Variants in CLEC5A observed in about 807,000 individuals in gnomAD.
CLEC5A encodes C-type lectin domain containing 5A.
A neutral mutation model predicts 24.4 loss-of-function variants in CLEC5A; 15 were observed. That is an observed-to-expected ratio of 0.62 (90% CI 0.41 to 0.95). The LOEUF (loss-of-function observed/expected upper bound fraction) is 0.95, where lower values mean the gene tolerates loss of function less well. CLEC5A is among the 40% of genes least tolerant of loss of function. The pLI is 0.00. For missense variants in CLEC5A, 211 were observed against 224.0 expected, an observed-to-expected ratio of 0.94 and a Z score of 0.37; for synonymous variants, 71 against 72.6, an observed-to-expected ratio of 0.98 and a Z score of 0.11.
chr7:141,940,933 A>T (rs1355419985), intron 4 of CLEC5A, among the ~76,000 whole-genome samples: 1 of 152,110 alleles, frequency 6.6e-6, no homozygotes, highest in African/African-American at 2.4e-5. Context: ...GAAAACCATG[A>T]TAAAAACTCT....
chr7:141,932,900 A>T (rs543990130), intron 5 of CLEC5A, among the ~76,000 whole-genome samples: 1 of 152,316 alleles, frequency 6.6e-6, no homozygotes, highest in East Asian at 1.9e-4. Context: ...CCCTTTTTTA[A>T]AAAAGTTTTC....
At chr7:141,931,657 A>T in intron 6 of CLEC5A, 63 bp downstream of exon 6, 1 of 875,938 alleles carries the variant, frequency 1.1e-6, no homozygotes, top group South Asian at 1.3e-5. Flanking sequence ...GAACCCAGCA[A>T]TCTCAGGTTT....
At chr7:141,933,994 A>C (rs1270641233) in intron 5 of CLEC5A, among the ~76,000 whole-genome samples, 1 of 152,016 alleles carries the variant, frequency 6.6e-6, no homozygotes, top group Non-Finnish European at 1.5e-5. Flanking sequence ...ATAAAACTAC[A>C]TTTCACCTGT....
Position 141,945,358 on chromosome 7 carries a change from G to T in CLEC5A, c.122C>A (p.Thr41Asn), listed in dbSNP as rs199536253. The change falls in exon 3 of 7, where the codon ACC becomes AAC. Residue 41 changes from threonine (T) to asparagine (N), a missense_variant. By Grantham distance (65) the Thr-to-Asn change is moderately conservative. Coordinates refer to ENST00000546910, the MANE Select transcript of CLEC5A (RefSeq NM_013252.3). Reference protein sequence around the residue: ...FNKSNDGFTTTRSYGTVSQIF... With the variant: ...FNKSNDGFTTNRSYGTVSQIF... Reference sequence around the variant, plus strand: ...CAGATTACCTGTTCCATAGCTCCTGGTGGTGGTGAAACCATCGTTACTTTT... The same window carrying T: ...CAGATTACCTGTTCCATAGCTCCTGTTGGTGGTGAAACCATCGTTACTTTT... 1.1e-5 allele frequency: 17 copies of T among 1,612,106 alleles called. No homozygotes were observed. In the Admixed American group the frequency reaches 1.7e-4, roughly 16 times the overall value.
intron 4 of CLEC5A, among the ~76,000 whole-genome samples, chr7:141,937,032 T>C (rs1554441194): frequency 6.6e-6 from 1 of 152,020 alleles, no homozygotes; most frequent in Admixed American, 6.6e-5. Context: ...GAAAGAATTC[T>C]TGGGCCCTGA....
chr7:141,944,404 A>C (rs1223192315), intron 3 of CLEC5A, among the ~76,000 whole-genome samples: 1 of 152,174 alleles, frequency 6.6e-6, no homozygotes, highest in Non-Finnish European at 1.5e-5. Context: ...TCAGTATGAA[A>C]ATTCATAATC....
rs1161801167 is a variant in CLEC5A at position 141,936,240 on chromosome 7, C to CA, written c.209-291dup. ...ACACACAAAAAAGCACATATACATA[C>CA]ATGAGAACAAAAAATCAGATGAACA... On this transcript the variant is annotated intron_variant, in intron 4 of 6. Coordinates refer to ENST00000546910, the MANE Select transcript of CLEC5A (RefSeq NM_013252.3). The CA allele has an allele frequency of 1.6e-5, 6 of 386,756 alleles. No homozygotes were observed. In the East Asian group the frequency reaches 3.7e-4, roughly 24 times the overall value. The allele number at this position is 386,756 out of a possible 1,614,324, so 24.0% of individuals were successfully genotyped here.
chr7:141,939,019 A>G (rs1378893493), intron 4 of CLEC5A, among the ~76,000 whole-genome samples: 2 of 152,222 alleles, frequency 1.3e-5, no homozygotes, highest in Admixed American at 6.5e-5. Context: ...ATTGCTAAAA[A>G]CAGCTCTTTA....
In CLEC5A at chr7:141,940,294, G is replaced by T. The variant is rs137898653; in HGVS notation, c.208+3602C>A. ...AGTAACAAGAGGAAGTTTGGAAACT[G>T]CACAAATACGTGGAAATTAAACAAT... On this transcript the variant is annotated intron_variant, in intron 4 of 6. Transcript: ENST00000546910. 5.6e-3 allele frequency among the ~76,000 whole-genome samples: 845 copies of T among 152,012 alleles called. 11 individuals carry two copies. Among genetic ancestry groups the T allele is most frequent in the African/African-American group, 0.019 (789 of 41,512 alleles).
intron 4 of CLEC5A, among the ~76,000 whole-genome samples, chr7:141,938,609 AAGATAT>A (rs1802697057): frequency 6.6e-6 from 1 of 152,242 alleles, no homozygotes; most frequent in African/African-American, 2.4e-5. Flanking sequence ...AACCTAGGGA[AAGATAT>A]CAATATCCAA....
chr7:141,945,743 C>A, intron 2 of CLEC5A: 1 of 370,288 alleles, frequency 2.7e-6, no homozygotes, highest in Non-Finnish European at 5.0e-6. Context: ...GCAGTAAAAT[C>A]CTTTCATAGG....
intron 5 of CLEC5A, among the ~76,000 whole-genome samples, chr7:141,935,470 TTTG>T (rs1209161003): frequency 6.6e-6 from 1 of 152,242 alleles, no homozygotes; most frequent in Non-Finnish European, 1.5e-5. Context: ...AGGTATTCTT[TTTG>T]TTGTTAAACA....
chr7:141,945,102 A>G (rs757936808), intron 3 of CLEC5A, among the ~76,000 whole-genome samples: 1 of 152,196 alleles, frequency 6.6e-6, no homozygotes, highest in Non-Finnish European at 1.5e-5. Flanking sequence ...TTCACATTCT[A>G]TTACAATGAT....
At chr7:141,935,195 C>G (rs1474064152) in intron 5 of CLEC5A, among the ~76,000 whole-genome samples, 3 of 152,166 alleles carry the variant, frequency 2.0e-5, no homozygotes, top group African/African-American at 7.2e-5. Flanking sequence ...GTATGTAGCA[C>G]AGATTAGAGT....
rs1554440078 is a variant in CLEC5A at position 141,930,075 on chromosome 7, A to G, written c.*29T>C. On this transcript the variant is annotated 3_prime_UTR_variant, in exon 7 of 7. Transcript: ENST00000546910. The stretch of plus-strand genomic sequence containing the variant: ...CTGTATGGATTCAAAAAGAGTTGCA[A>G]GTATAGTTCTTGTCACAGGGAACTG... 1 of 1,544,378 alleles carries G rather than the reference A, an allele frequency of 6.5e-7. No individual in the cohort carries two copies. The highest frequency in any genetic ancestry group is 1.1e-5 in the South Asian group (1 of 89,006).
chr7:141,937,504 C>T (rs1441272105), intron 4 of CLEC5A, among the ~76,000 whole-genome samples: 46 of 152,162 alleles, frequency 3.0e-4, no homozygotes, highest in Admixed American at 3.0e-3. Flanking sequence ...AGCTCAGCCA[C>T]AGGAGGACAG....
At chr7:141,936,710 A>G (rs1347848695) in intron 4 of CLEC5A, among the ~76,000 whole-genome samples, 1 of 152,160 alleles carries the variant, frequency 6.6e-6, no homozygotes, top group Non-Finnish European at 1.5e-5. Context: ...CTACTGAGAT[A>G]CCAGCCAGGG....
intron 6 of CLEC5A, chr7:141,931,518 C>T (rs1802459671): frequency 1.8e-6 from 1 of 544,276 alleles, no homozygotes; most frequent in African/African-American, 1.9e-5. Context: ...ACTCTTCTTT[C>T]TCCTTATGAA....
rs570920626 is a variant in CLEC5A at position 141,930,065 on chromosome 7, A to T, written c.*39T>A. 1.4e-4 allele frequency: 205 copies of T among 1,504,484 alleles called. 3 individuals are homozygous for T. In the South Asian group the frequency reaches 1.9e-3, roughly 14 times the overall value. The allele number at this position is 1,504,484 out of a possible 1,614,324, so 93.2% of individuals were successfully genotyped here. On this transcript the variant is annotated 3_prime_UTR_variant, in exon 7 of 7. Transcript: ENST00000546910. The stretch of plus-strand genomic sequence containing the variant: ...GCCAGACGACCTGTATGGATTCAAA[A>T]AGAGTTGCAAGTATAGTTCTTGTCA...
Sources: allele counts gnomAD v4.1 joint callset (sites outside exome capture counted in the v4.1 genomes callset), GRCh38; gene constraint gnomAD v4.1.1; transcripts MANE v1.5; gene names NCBI Gene and HGNC (gene_info 2026-07-23, HGNC 2026-07-21).